The following EPHB1 variants were observed in gnomAD, a reference collection of about 807,000 sequenced individuals.
EPHB1 encodes the protein EPH receptor B1, also known as ephrin type-B receptor 1.
Under a neutral mutation model 94.4 loss-of-function variants are expected in EPHB1, and 30 were observed. The ratio of observed to expected loss-of-function variants is 0.32; its 90% confidence interval spans 0.24 to 0.43. The LOEUF (loss-of-function observed/expected upper bound fraction) is 0.43. Among genes scored for constraint, EPHB1 ranks in the 20% least tolerant of loss-of-function variants. EPHB1 has a pLI of 1.00. For missense variants in EPHB1, 1,055 were observed against 1,308.3 expected, an observed-to-expected ratio of 0.81 and a Z score of 2.99; for synonymous variants, 522 against 489.1, an observed-to-expected ratio of 1.07 and a Z score of -0.89.
intron 3 of EPHB1, among the ~76,000 whole-genome samples, chr3:134,972,877 C>T (rs751201045): frequency 2.6e-5 from 4 of 152,130 alleles, no homozygotes; most frequent in Non-Finnish European, 4.4e-5. Context: ...GCCGTCCTGC[C>T]TTGCTGTGAC....
intron 1 of EPHB1, 141 bp from the exon 2 acceptor site, chr3:134,925,675 A>G (rs36187): frequency 0.5 from 314,246 of 630,544 alleles, 82,169 homozygotes; most frequent in African/African-American, 0.78. Flanking sequence ...TCACAGAGAG[A>G]CCTGGGCTTG....
intron 1 of EPHB1, among the ~76,000 whole-genome samples, chr3:134,859,897 C>A (rs1305451395): frequency 3.9e-5 from 6 of 151,996 alleles, no homozygotes; most frequent in African/African-American, 1.5e-4. Context: ...TGTTGTTAAT[C>A]TTTTCTTTGC....
intron 3 of EPHB1, among the ~76,000 whole-genome samples, chr3:135,098,381 CTCATACTCTATAGT>C (rs1349210314): frequency 1.3e-5 from 2 of 152,054 alleles, no homozygotes; most frequent in African/African-American, 4.8e-5. Flanking sequence ...AGTTCATAGT[CTCATACTCTATAGT>C]TTTAGACCAC....
chr3:134,851,765 G>T lies in EPHB1; in HGVS notation c.58+56076G>T, dbSNP rs1275674375. Reference sequence around the variant, plus strand: ...AAGGTATAGCTATTAAATACTCTTTGTTACACATTTAATGAGTTATGTTGG... The same window carrying T: ...AAGGTATAGCTATTAAATACTCTTTTTTACACATTTAATGAGTTATGTTGG... On this transcript the variant is annotated intron_variant, in intron 1 of 15. Transcript: ENST00000398015. Among the ~76,000 whole-genome samples the T allele has an allele frequency of 7.2e-5, 11 of 152,168 alleles. No homozygotes were observed. In the East Asian group the frequency reaches 2.1e-3, roughly 29 times the overall value.
At chr3:135,096,005 A>G (rs1391515930) in intron 3 of EPHB1, among the ~76,000 whole-genome samples, 1 of 152,142 alleles carries the variant, frequency 6.6e-6, no homozygotes, top group African/African-American at 2.4e-5. Context: ...CAGGATGTCA[A>G]TTCCACGTGG....
chr3:135,131,644 C>T (rs559918957), intron 4 of EPHB1, among the ~76,000 whole-genome samples: 7 of 152,282 alleles, frequency 4.6e-5, no homozygotes, highest in Admixed American at 1.3e-4. Flanking sequence ...CTCAAAATGC[C>T]CAGCATTGTG....
chr3:135,092,572 G>A (rs879383183), intron 3 of EPHB1, among the ~76,000 whole-genome samples: 4 of 152,062 alleles, frequency 2.6e-5, no homozygotes, highest in African/African-American at 4.8e-5. Flanking sequence ...TCTCAAGGAG[G>A]GCACAGCCCT....
chr3:134,812,158 A>G (rs779537669), intron 1 of EPHB1, among the ~76,000 whole-genome samples: 5 of 152,148 alleles, frequency 3.3e-5, no homozygotes, highest in Non-Finnish European at 7.3e-5. Flanking sequence ...ATTTACATAT[A>G]ATAGGTTTTA....
chr3:135,249,747 A>G (rs964706441), intron 15 of EPHB1, among the ~76,000 whole-genome samples: 4 of 152,200 alleles, frequency 2.6e-5, no homozygotes, highest in African/African-American at 9.7e-5. Context: ...AATCACCCAG[A>G]GTCTCTTCCC....
chr3:135,019,332 G>A (rs1217008985), intron 3 of EPHB1, among the ~76,000 whole-genome samples: 3 of 152,102 alleles, frequency 2.0e-5, no homozygotes, highest in African/African-American at 7.2e-5. Context: ...GCTTTAAAAC[G>A]GCTTCCACCC....
chr3:134,977,204 A>G (rs1392579635), intron 3 of EPHB1, among the ~76,000 whole-genome samples: 2 of 152,190 alleles, frequency 1.3e-5, no homozygotes, highest in South Asian at 2.1e-4. Flanking sequence ...ACACTCCTCA[A>G]GGCACCGCCA....
intron 9 of EPHB1, among the ~76,000 whole-genome samples, chr3:135,172,522 T>G (rs1368977416): frequency 6.6e-6 from 1 of 152,240 alleles, no homozygotes; most frequent in East Asian, 1.9e-4. Context: ...GAAGCATGTC[T>G]AGTTCCAAGA....
At chr3:134,899,472 T>C (rs545632135) in intron 1 of EPHB1, among the ~76,000 whole-genome samples, 2 of 152,350 alleles carry the variant, frequency 1.3e-5, no homozygotes, top group African/African-American at 4.8e-5. Flanking sequence ...TCCATGCTTC[T>C]TTGACTAGCA....
At chr3:135,022,129 G>A (rs977450939) in intron 3 of EPHB1, among the ~76,000 whole-genome samples, 9 of 152,066 alleles carry the variant, frequency 5.9e-5, no homozygotes, top group Non-Finnish European at 1.0e-4. Context: ...ACAGGCGCCC[G>A]CCACCATGCC....
At chr3:134,927,358 CA>C (rs1256066344) in intron 2 of EPHB1, among the ~76,000 whole-genome samples, 1 of 152,202 alleles carries the variant, frequency 6.6e-6, no homozygotes, top group Admixed American at 6.5e-5. Flanking sequence ...AACAGGGAAG[CA>C]AGGTCCAAAA....
intron 2 of EPHB1, among the ~76,000 whole-genome samples, chr3:134,930,519 T>C (rs1014608489): frequency 6.6e-6 from 1 of 152,202 alleles, no homozygotes; most frequent in Admixed American, 6.5e-5. Context: ...TGACCCTTTC[T>C]TTGGGCTGGC....
In EPHB1 at chr3:134,951,981, A is replaced by G. The variant is rs1933050632; in HGVS notation, c.734A>G (p.Glu245Gly). The change falls in exon 3 of 16, where the codon GAA (glutamate) becomes GGA (glycine). Residue 245 changes from glutamate (E) to glycine (G), a missense_variant. Coordinates refer to ENST00000398015, the MANE Select transcript of EPHB1 (RefSeq NM_004441.5). This position sits in a 1 kb window ranked among gnomAD's most constrained non-coding sequence, Gnocchi z 4.5. ...PIKLYCNGDG[E>G]WMVPIGRCTC... ...AAACTCTACTGCAACGGGGATGGGG[A>G]ATGGATGGTGCCTATTGGGCGATGC... The G allele has an allele frequency of 6.2e-7, 1 of 1,613,864 alleles. No individual in the cohort carries two copies. Among genetic ancestry groups the G allele is most frequent in the South Asian group, 1.1e-5 (1 of 91,074 alleles).
chr3:135,160,268 T>A (rs1941470068), intron 6 of EPHB1, among the ~76,000 whole-genome samples: 1 of 152,232 alleles, frequency 6.6e-6, no homozygotes, highest in Non-Finnish European at 1.5e-5. Context: ...CATCAGGTCA[T>A]CTTTGACTTC....
At chr3:134,958,413 A>AGTGTGTGTGT (rs3067407) in intron 3 of EPHB1, among the ~76,000 whole-genome samples, 1,141 of 97,686 alleles carry the variant, frequency 0.012, 17 homozygotes, top group African/African-American at 0.033. Flanking sequence ...AACACAAGGG[A>AGTGTGTGTGT]GTGTGTGTGT....
Sources: gnomAD v4.1 joint callset for allele counts (sites outside exome capture counted in the v4.1 genomes callset) on GRCh38, gnomAD v4.1.1 for gene constraint, Gnocchi (gnomAD v3.1) non-coding constraint, MANE v1.5 for transcripts, NCBI Gene and HGNC (gene_info 2026-07-23, HGNC 2026-07-21) for gene names.